The following STK32B variants were observed in gnomAD, a reference collection of about 807,000 sequenced individuals.
STK32B encodes serine/threonine-protein kinase 32B.
In STK32B, 43 loss-of-function variants were observed where a neutral mutation model predicts 52.6. The observed-to-expected ratio is 0.82, with a 90% CI of 0.64 to 1.05. The LOEUF is 1.05. STK32B is among the 50% of genes least tolerant of loss of function. The pLI is 0.00. For missense variants in STK32B, 621 were observed against 534.6 expected (o/e 1.16, Z -1.59); for synonymous variants, 238 against 204.3 (o/e 1.17, Z -1.41).
intron 3 of STK32B, among the ~76,000 whole-genome samples, chr4:5,307,166 G>A (rs1245950151): frequency 1.3e-5 from 2 of 152,112 alleles, no homozygotes; most frequent in African/African-American, 4.8e-5. Flanking sequence ...TGAACTTGTT[G>A]TATTTGAATG....
intron 3 of STK32B, among the ~76,000 whole-genome samples, chr4:5,307,126 C>T (rs115953539): frequency 2.7e-3 from 417 of 152,180 alleles, no homozygotes; most frequent in African/African-American, 8.8e-3. Context: ...AGGTGATGAT[C>T]TTTTTGTGAT....
chr4:5,219,105 G>C (rs140256129), intron 3 of STK32B, among the ~76,000 whole-genome samples: 1 of 152,342 alleles, frequency 6.6e-6, no homozygotes, highest in Non-Finnish European at 1.5e-5. Context: ...TGAATGCTGC[G>C]TCTTTTTTCT....
chr4:5,467,040 A>G lies in STK32B; in HGVS notation c.1041+206A>G, dbSNP rs1040385170. 6.6e-6 allele frequency among the ~76,000 whole-genome samples: 1 copy of G among 152,202 alleles called. No homozygotes were observed. The highest frequency in any genetic ancestry group is 1.5e-5 in the Non-Finnish European group (1 of 68,028). Reference sequence around the variant, plus strand: ...ACACTCCTGGCATTCCTTGAGCGCTATTCCTACAGCAGGAAGCTTGTGTAG... The same window carrying G: ...ACACTCCTGGCATTCCTTGAGCGCTGTTCCTACAGCAGGAAGCTTGTGTAG... On this transcript the variant is annotated intron_variant, in intron 10 of 11. Transcript: ENST00000282908. The surrounding 1 kb of genome is among the most constrained non-coding windows in gnomAD (Gnocchi z 5.8).
At chr4:5,287,543 G>C (rs958413839) in intron 3 of STK32B, among the ~76,000 whole-genome samples, 1 of 152,062 alleles carries the variant, frequency 6.6e-6, no homozygotes, top group Non-Finnish European at 1.5e-5. Flanking sequence ...AGATGGACAT[G>C]AGTGTACAGT....
At chr4:5,132,502 G>A (rs1303269214) in intron 1 of STK32B, among the ~76,000 whole-genome samples, 1 of 152,118 alleles carries the variant, frequency 6.6e-6, no homozygotes, top group African/African-American at 2.4e-5. Context: ...AATAAAAGGG[G>A]ATGCATAAGG....
intron 1 of STK32B, among the ~76,000 whole-genome samples, chr4:5,137,651 G>A (rs1312751871): frequency 2.0e-5 from 3 of 152,168 alleles, no homozygotes; most frequent in African/African-American, 4.8e-5. Flanking sequence ...AAATGATGCC[G>A]CTAATGACAG....
chr4:5,107,925 A>C (rs1480692397), intron 1 of STK32B, among the ~76,000 whole-genome samples: 2 of 152,178 alleles, frequency 1.3e-5, no homozygotes, highest in Non-Finnish European at 2.9e-5. Context: ...CACACAGATG[A>C]TTGCACAAAT....
Position 5,416,929 on chromosome 4 carries a change from A to T in STK32B, c.557A>T (p.Tyr186Phe). The T allele has an allele frequency of 6.2e-7, 1 of 1,612,474 alleles. No individual in the cohort carries two copies. The highest frequency in any genetic ancestry group is 8.5e-7 in the Non-Finnish European group (1 of 1,179,256). The change falls in exon 6 of 12, where the codon TAC becomes TTC. Residue 186 changes from tyrosine (Y) to phenylalanine (F), a missense_variant. Tyr to Phe is a conservative substitution (Grantham distance 22). Coordinates refer to ENST00000282908, the MANE Select transcript of STK32B (RefSeq NM_018401.3). ...TCCTCCATGGCTGGCACCAAGCCCTACATGGGTGAGTGTTCCAGGCCCCTT... is the reference window on the plus strand; with the variant it reads ...TCCTCCATGGCTGGCACCAAGCCCTTCATGGGTGAGTGTTCCAGGCCCCTT... ...RASSMAGTKPYMAPEVFQVYM... is the reference protein window; with the variant it reads ...RASSMAGTKPFMAPEVFQVYM...
intron 1 of STK32B, among the ~76,000 whole-genome samples, chr4:5,123,224 C>T (rs963344039): frequency 5.9e-5 from 9 of 152,226 alleles, no homozygotes; most frequent in East Asian, 1.9e-4. Flanking sequence ...GGCTGTGTCC[C>T]GTGGTCTTGC....
rs2084311 is a variant in STK32B at position 5,086,348 on chromosome 4, G to A, written c.52+34433G>A. ...ACAAACACAAAGCTCTTCTGCAAAT[G>A]ATGGAAGATTTCTTGGTTCTAAGAG... On this transcript the variant is annotated intron_variant, in intron 1 of 11. Transcript: ENST00000282908. Among the ~76,000 whole-genome samples, 109 of 152,296 alleles carry A rather than the reference G, an allele frequency of 7.2e-4. 1 individual carries two copies. The East Asian group carries it at 0.017, about 24-fold the overall frequency.
intron 6 of STK32B, among the ~76,000 whole-genome samples, chr4:5,417,762 A>C (rs978888934): frequency 3.3e-5 from 5 of 152,238 alleles, no homozygotes; most frequent in African/African-American, 1.2e-4. Context: ...GTGTCAAAAC[A>C]TAGTGGTTTA....
chr4:5,337,889 T>G (rs115782495), intron 4 of STK32B, among the ~76,000 whole-genome samples: 28 of 152,190 alleles, frequency 1.8e-4, no homozygotes, highest in African/African-American at 6.5e-4. Context: ...ATTGAGAAAC[T>G]GGGGAAATGG....
chr4:5,243,494 T>G (rs1725196923), intron 3 of STK32B, among the ~76,000 whole-genome samples: 1 of 152,134 alleles, frequency 6.6e-6, no homozygotes, highest in African/African-American at 2.4e-5. Context: ...ACGATGGGGT[T>G]TTCTAGGTAT....
chr4:5,222,640 T>C (rs969584490), intron 3 of STK32B, among the ~76,000 whole-genome samples: 15 of 152,350 alleles, frequency 9.8e-5, no homozygotes, highest in Middle Eastern at 3.4e-3. Flanking sequence ...AGTGATGAAC[T>C]AGAATATTTG....
intron 3 of STK32B, among the ~76,000 whole-genome samples, chr4:5,316,672 TA>T (rs1730835401): frequency 5.4e-4 from 3 of 5,554 alleles, no homozygotes; most frequent in Non-Finnish European, 6.5e-4. Flanking sequence ...ATATATTATA[TA>T]TATAATATAA....
chr4:5,212,981 C>T (rs1722993911), intron 3 of STK32B, among the ~76,000 whole-genome samples: 1 of 152,102 alleles, frequency 6.6e-6, no homozygotes, highest in South Asian at 2.1e-4. Context: ...TCTCTGCATC[C>T]TATGTTCTAA....
intron 4 of STK32B, among the ~76,000 whole-genome samples, chr4:5,370,406 A>G (rs1343196919): frequency 6.6e-6 from 1 of 152,196 alleles, no homozygotes; most frequent in Non-Finnish European, 1.5e-5. Flanking sequence ...AGAGTGACTA[A>G]TGACATCAAT....
At chr4:5,434,625 T>A (rs989382372) in intron 6 of STK32B, among the ~76,000 whole-genome samples, 7 of 152,124 alleles carry the variant, frequency 4.6e-5, no homozygotes, top group Non-Finnish European at 1.0e-4. Context: ...TCACCTCAGA[T>A]GTGGTACCCA....
At chr4:5,462,404 CTGTG>C (rs375327182) in intron 9 of STK32B, among the ~76,000 whole-genome samples, 1 of 150,096 alleles carries the variant, frequency 6.7e-6, no homozygotes, top group Non-Finnish European at 1.5e-5. Context: ...GTGTGTGCAT[CTGTG>C]TGTGTGTGTG....
Sources: allele counts gnomAD v4.1 joint callset (sites outside exome capture counted in the v4.1 genomes callset), GRCh38; gene constraint gnomAD v4.1.1; non-coding constraint Gnocchi (gnomAD v3.1); transcripts MANE v1.5; gene names NCBI Gene and HGNC (gene_info 2026-07-23, HGNC 2026-07-21).